Variants in POU2F1 observed in about 807,000 individuals in gnomAD.
The protein encoded by POU2F1 is POU domain, class 2, transcription factor 1.
POU2F1 carries 16 observed loss-of-function variants against 84.9 expected under a neutral mutation model. That is an observed-to-expected ratio of 0.19 (90% CI 0.13 to 0.29). The LOEUF (loss-of-function observed/expected upper bound fraction) is 0.29, where lower values mean the gene tolerates loss of function less well. Ranked by LOEUF, POU2F1 falls within the 10% of genes least tolerant of loss-of-function variation. The pLI is 1.00. For synonymous variants in POU2F1, 368 were observed against 368.3 expected (o/e 1.00, Z 0.01); for missense variants, 738 against 942.6 (o/e 0.78, Z 2.84).
chr1:167,344,037 C>T (rs76822316), intron 2 of POU2F1, among the ~76,000 whole-genome samples: 1 of 151,654 alleles, frequency 6.6e-6, no homozygotes, highest in Non-Finnish European at 1.5e-5. Flanking sequence ...CCTTTGTTGT[C>T]GAATAGGATG....
At chr1:167,301,979 C>T (rs957043952) in intron 1 of POU2F1, among the ~76,000 whole-genome samples, 9 of 152,044 alleles carry the variant, frequency 5.9e-5, no homozygotes, top group African/African-American at 2.2e-4. Flanking sequence ...TCACTGTTAG[C>T]TATGGTAGAA....
intron 13 of POU2F1, among the ~76,000 whole-genome samples, chr1:167,403,301 A>G (rs1024671910): frequency 4.6e-5 from 7 of 152,216 alleles, no homozygotes; most frequent in African/African-American, 1.7e-4. Context: ...TGTGCAGTAC[A>G]GTATTTGATT....
chr1:167,329,615 A>C (rs1656945875), intron 1 of POU2F1, among the ~76,000 whole-genome samples: 1 of 152,162 alleles, frequency 6.6e-6, no homozygotes, highest in South Asian at 2.1e-4. Flanking sequence ...TGTAGTTATA[A>C]AAACATCTTA....
Position 167,424,484 on chromosome 1 carries a change from T to C in POU2F1, c.*8674T>C, listed in dbSNP as rs183908420. On this transcript the variant is annotated 3_prime_UTR_variant, in exon 16 of 16. Transcript: ENST00000367866. Reference sequence around the variant, plus strand: ...GAAGGCTAGGTGAGTAAGCGTGGGCTGTTCTACCCACCAGAAGTCCAGGAG... The same window carrying C: ...GAAGGCTAGGTGAGTAAGCGTGGGCCGTTCTACCCACCAGAAGTCCAGGAG... 1.3e-5 allele frequency: 2 copies of C among 152,382 alleles called. No individual in the cohort carries two copies. The highest frequency in any genetic ancestry group is 1.9e-4 in the East Asian group (1 of 5,180). The allele number at this position is 152,382 out of a possible 1,614,324, so 9.4% of individuals were successfully genotyped here.
intron 1 of POU2F1, chr1:167,329,281 G>A: frequency 6.5e-7 from 1 of 1,548,600 alleles, no homozygotes; most frequent in Non-Finnish European, 8.7e-7. Flanking sequence ...TCACAGCAAT[G>A]CTGGACTGCA....
intron 1 of POU2F1, among the ~76,000 whole-genome samples, chr1:167,223,593 T>C (rs1396599075): frequency 6.6e-6 from 1 of 152,192 alleles, no homozygotes; most frequent in Non-Finnish European, 1.5e-5. Flanking sequence ...GCTATGTATT[T>C]TGTGGGACTT....
chr1:167,221,493 C>T (rs917773771), intron 1 of POU2F1, among the ~76,000 whole-genome samples: 27 of 148,824 alleles, frequency 1.8e-4, no homozygotes, highest in East Asian at 3.9e-4. Flanking sequence ...GGGGAGGCGG[C>T]GGGGCCGGAG....
At chr1:167,370,071 G>C in intron 3 of POU2F1, 90 bp from the exon 4 acceptor site, 1 of 1,088,296 alleles carries the variant, frequency 9.2e-7, no homozygotes. Context: ...TTCTAGCTCG[G>C]TGACACATAG....
chr1:167,398,942 A>G (rs963370919), intron 11 of POU2F1, among the ~76,000 whole-genome samples: 2 of 152,222 alleles, frequency 1.3e-5, no homozygotes, highest in African/African-American at 4.8e-5. Context: ...ATTCACAATT[A>G]ATAGATCTTA....
intron 1 of POU2F1, among the ~76,000 whole-genome samples, chr1:167,286,614 G>C (rs980011601): frequency 6.6e-6 from 1 of 152,146 alleles, no homozygotes; most frequent in African/African-American, 2.4e-5. Flanking sequence ...TTATATTGTT[G>C]AGCACTAGAG....
intron 10 of POU2F1, 59 bp downstream of exon 10, chr1:167,396,486 T>C: frequency 6.5e-7 from 1 of 1,542,518 alleles, no homozygotes; most frequent in Non-Finnish European, 8.9e-7. Flanking sequence ...TGGGGATTGT[T>C]ATATAAATTG....
intron 8 of POU2F1, among the ~76,000 whole-genome samples, chr1:167,388,553 T>A (rs759192234): frequency 6.6e-6 from 1 of 152,202 alleles, no homozygotes; most frequent in Non-Finnish European, 1.5e-5. Context: ...ACTGGTTAAG[T>A]AAATTATGAG....
At chr1:167,306,100 G>T (rs1655046359) in intron 1 of POU2F1, among the ~76,000 whole-genome samples, 1 of 152,210 alleles carries the variant, frequency 6.6e-6, no homozygotes, top group Admixed American at 6.5e-5. Context: ...GCTTTTGGCA[G>T]CAGCAAATAC....
chr1:167,250,815 A>G (rs1650672758), intron 1 of POU2F1, among the ~76,000 whole-genome samples: 1 of 152,236 alleles, frequency 6.6e-6, no homozygotes, highest in Non-Finnish European at 1.5e-5. Flanking sequence ...ATGGATTTTA[A>G]TAACATTGTC....
At chr1:167,223,342 A>C (rs927568732) in intron 1 of POU2F1, among the ~76,000 whole-genome samples, 2 of 152,102 alleles carry the variant, frequency 1.3e-5, no homozygotes, top group African/African-American at 4.8e-5. Flanking sequence ...TGTGAGAGGC[A>C]GATTAACTTT....
At chr1:167,246,808 A>G (rs1255303114) in intron 1 of POU2F1, among the ~76,000 whole-genome samples, 2 of 152,224 alleles carry the variant, frequency 1.3e-5, no homozygotes, top group East Asian at 3.8e-4. Flanking sequence ...GAAATAACCT[A>G]AATGGAACTG....
intron 1 of POU2F1, among the ~76,000 whole-genome samples, chr1:167,330,216 A>G (rs759173039): frequency 7.2e-5 from 11 of 152,160 alleles, no homozygotes; most frequent in Admixed American, 2.0e-4. Context: ...AACTTTTGCA[A>G]ATGACTTTTT....
chr1:167,346,559 A>T (rs962018391), intron 2 of POU2F1, among the ~76,000 whole-genome samples: 3 of 152,170 alleles, frequency 2.0e-5, no homozygotes, highest in African/African-American at 7.2e-5. Flanking sequence ...TTTACCTCAC[A>T]TCATCAGTCA....
intron 1 of POU2F1, among the ~76,000 whole-genome samples, chr1:167,330,945 A>G (rs1262839503): frequency 6.6e-6 from 1 of 152,078 alleles, no homozygotes; most frequent in African/African-American, 2.4e-5. Context: ...GGTATATTCT[A>G]TTACATTTGT....
Sources: gnomAD v4.1 joint callset for allele counts (sites outside exome capture counted in the v4.1 genomes callset) on GRCh38, gnomAD v4.1.1 for gene constraint, MANE v1.5 for transcripts, NCBI Gene and HGNC (gene_info 2026-07-23, HGNC 2026-07-21) for gene names.